The following PDE1A variants were observed in gnomAD, a reference collection of about 807,000 sequenced individuals.
PDE1A encodes the protein dual specificity calcium/calmodulin-dependent 3',5'-cyclic nucleotide phosphodiesterase 1A.
PDE1A carries 35 observed loss-of-function variants against 61.7 expected under a neutral mutation model. That is an observed-to-expected ratio of 0.57 (90% confidence interval 0.43 to 0.75). The LOEUF (loss-of-function observed/expected upper bound fraction) is 0.75. Among genes scored for constraint, PDE1A ranks in the 30% least tolerant of loss-of-function variants. The probability of loss-of-function intolerance (pLI) is 0.00; values close to 1 mark genes in which losing one functional copy is unlikely to be tolerated. For missense variants in PDE1A, 597 were observed against 630.6 expected, an observed-to-expected ratio of 0.95 and a Z score of 0.57; for synonymous variants, 232 against 213.2, an observed-to-expected ratio of 1.09 and a Z score of -0.77.
chr2:182,499,180 T>TTTTTTTTG lies in PDE1A; in HGVS notation c.101+23095_101+23096insCAAAAAAA, dbSNP rs1553633034. 2.2e-3 allele frequency among the ~76,000 whole-genome samples: 260 copies of TTTTTTTTG among 118,716 alleles called. 3 individuals are homozygous for TTTTTTTTG. The highest frequency in any genetic ancestry group is 9.0e-3 in the African/African-American group (252 of 27,968). The allele number at this position is 118,716 out of a possible 152,430, so 77.9% of individuals were successfully genotyped here. A position where few individuals can be genotyped will look rare whatever the true frequency, so the allele number is the denominator to read the frequency against. On this transcript the variant is annotated intron_variant, in intron 2 of 14. Coordinates refer to the PDE1A transcript ENST00000410103. ...TTTCTTTCTCTTTTTCTTGTTTTTT[T>TTTTTTTTG]TTTTTTTTTTTTTTGAGACGGAGTC... is the stretch of plus-strand genomic sequence containing the variant.
chr2:182,477,678 C>T (rs1440191720), intron 2 of PDE1A, among the ~76,000 whole-genome samples: 3 of 151,892 alleles, frequency 2.0e-5, no homozygotes, highest in African/African-American at 7.2e-5. Flanking sequence ...TGCCACAAAA[C>T]AAATCCTAGA....
chr2:182,358,749 C>G (rs543489648), intron 1 of PDE1A, among the ~76,000 whole-genome samples: 1 of 152,258 alleles, frequency 6.6e-6, no homozygotes, highest in South Asian at 2.1e-4. Context: ...ATTCTCATAA[C>G]AGTCCTAGAA....
exon 14 of PDE1A, chr2:182,168,137 T>C (rs928031680): frequency 1.4e-6 from 2 of 1,456,198 alleles, no homozygotes; most frequent in Non-Finnish European, 9.0e-7. Flanking sequence ...AAAAATAGAT[T>C]TCCTGTCTCA....
At chr2:182,371,978 T>C (rs1409989924) in intron 1 of PDE1A, among the ~76,000 whole-genome samples, 1 of 152,166 alleles carries the variant, frequency 6.6e-6, no homozygotes, top group Non-Finnish European at 1.5e-5. Flanking sequence ...GTATTTTTAG[T>C]AGAGATGAAG....
Position 182,421,826 on chromosome 2 carries a change from C to T in PDE1A, c.53+4752G>A, listed in dbSNP as rs142185378. 2.9e-3 allele frequency among the ~76,000 whole-genome samples: 446 copies of T among 152,256 alleles called. 3 individuals are homozygous for T. The highest frequency in any genetic ancestry group is 0.01 in the African/African-American group (426 of 41,546). On this transcript the variant is annotated intron_variant, in intron 1 of 13. Coordinates refer to ENST00000351439, the Ensembl canonical transcript of PDE1A. ...GATCTTGGTAATACATTTCAAAAAT[C>T]AGTAAGTTACTAACAGCAATAGGTA...
chr2:182,224,967 T>C (rs1005085075), intron 6 of PDE1A, among the ~76,000 whole-genome samples: 1 of 151,894 alleles, frequency 6.6e-6, no homozygotes, highest in African/African-American at 2.4e-5. Context: ...TGAGTGGTCT[T>C]ATTCTGTACA....
chr2:182,144,578 C>T (rs1690396493), downstream of PDE1A, among the ~76,000 whole-genome samples: 1 of 151,996 alleles, frequency 6.6e-6, no homozygotes, highest in Admixed American at 6.6e-5. Context: ...TCAATATTTT[C>T]TGGGAAATTG....
At chr2:182,326,968 C>A (rs918474885) in intron 1 of PDE1A, among the ~76,000 whole-genome samples, 1 of 152,164 alleles carries the variant, frequency 6.6e-6, no homozygotes, top group Admixed American at 6.6e-5. Context: ...AAAAAGCTCA[C>A]AGACTATTTT....
chr2:182,546,007 T>G, the PDE1A span, among the ~76,000 whole-genome samples: 3 of 152,124 alleles, frequency 2.0e-5, no homozygotes, highest in Non-Finnish European at 4.4e-5. Flanking sequence ...TACTATAGAG[T>G]TAGTGGAGAA....
the PDE1A span, among the ~76,000 whole-genome samples, chr2:182,670,000 G>A: frequency 5.9e-5 from 9 of 152,270 alleles, no homozygotes; most frequent in Admixed American, 2.6e-4. Context: ...AAGGGATGAT[G>A]GTGTTAAGTA....
chr2:182,426,142 T>G (rs968828937), intron 1 of PDE1A, among the ~76,000 whole-genome samples: 64 of 152,282 alleles, frequency 4.2e-4, no homozygotes, highest in African/African-American at 1.2e-3. Context: ...TCTAGTAAAG[T>G]AGCTATCAAG....
At chr2:182,466,233 A>C (rs1686650850) in intron 2 of PDE1A, among the ~76,000 whole-genome samples, 1 of 152,002 alleles carries the variant, frequency 6.6e-6, no homozygotes, top group Non-Finnish European at 1.5e-5. Flanking sequence ...TACTATTTAA[A>C]GATATTGAGT....
rs76005966 is a variant in PDE1A, at chr2:182,219,744, T to G, written c.776+4120A>C. ...TGGCCCTGCCACTGAATATTTATGA[T>G]AGAGTAGACAAGGACAAAATAAAAA... On this transcript the variant is annotated intron_variant, in intron 7 of 13. Coordinates refer to ENST00000351439, the Ensembl canonical transcript of PDE1A. Among the ~76,000 whole-genome samples the G allele has an allele frequency of 7.1e-3, 1,078 of 152,128 alleles. 9 individuals are homozygous for G. The highest frequency in any genetic ancestry group is 0.011 in the Non-Finnish European group (776 of 67,962).
the PDE1A span, among the ~76,000 whole-genome samples, chr2:182,671,560 C>A: frequency 6.6e-6 from 1 of 150,880 alleles, no homozygotes; most frequent in Non-Finnish European, 1.5e-5. Flanking sequence ...CATTTCTTGA[C>A]CCTTCCTTAC....
At chr2:182,468,839 C>G (rs1686840959) in intron 2 of PDE1A, among the ~76,000 whole-genome samples, 1 of 152,002 alleles carries the variant, frequency 6.6e-6, no homozygotes. Context: ...CAGCATTAAT[C>G]TCCTTTTACA....
rs959940840 is a variant in PDE1A, at chr2:182,486,748, G to A, written c.101+35528C>T. On this transcript the variant is annotated intron_variant, in intron 2 of 14. Transcript: ENST00000410103. ...ATCCATATGCAAAAATATGACTTTC[G>A]GCCCTTACCTCAAACCATACACAAA... 7.9e-5 allele frequency among the ~76,000 whole-genome samples: 12 copies of A among 151,712 alleles called. 1 individual carries two copies. The highest frequency in any genetic ancestry group is 6.2e-4 in the South Asian group (3 of 4,816).
intron 2 of PDE1A, among the ~76,000 whole-genome samples, chr2:182,437,498 T>A (rs1280781242): frequency 6.6e-6 from 1 of 151,946 alleles, no homozygotes. Flanking sequence ...CTAGCCCCTA[T>A]ATCCAATAAA....
At chr2:182,658,793 CT>C in the PDE1A span, among the ~76,000 whole-genome samples, 1 of 152,168 alleles carries the variant, frequency 6.6e-6, no homozygotes, top group South Asian at 2.1e-4. Context: ...GGGCAAAATT[CT>C]TTTGGATATG....
intron 2 of PDE1A, among the ~76,000 whole-genome samples, chr2:182,514,980 C>A (rs1690043660): frequency 6.6e-6 from 1 of 152,184 alleles, no homozygotes; most frequent in African/African-American, 2.4e-5. Flanking sequence ...TTCTTCCATG[C>A]AAGTTTAATC....
Sources: gnomAD v4.1 joint callset for allele counts (sites outside exome capture counted in the v4.1 genomes callset) on GRCh38, gnomAD v4.1.1 for gene constraint, MANE v1.5 for transcripts, NCBI Gene and HGNC (gene_info 2026-07-23, HGNC 2026-07-21) for gene names.